Variants in TAF2 observed in about 807,000 individuals in gnomAD.
The protein encoded by TAF2 is TATA-box binding protein associated factor 2.
In TAF2, 61 loss-of-function variants were observed where a neutral mutation model predicts 138.5. The observed-to-expected ratio is 0.44, with a 90% CI of 0.36 to 0.54. The LOEUF is 0.54. TAF2 is among the 20% of genes least tolerant of loss of function. The pLI is 0.00. For missense variants in TAF2, 1,090 were observed against 1,427.9 expected (o/e 0.76, Z 3.81); for synonymous variants, 475 against 469.9 (o/e 1.01, Z -0.14).
Position 119,832,790 on chromosome 8 carries a change from T to G in TAF2, c.-226A>C. 2.0e-6 allele frequency: 1 copy of G among 505,320 alleles called. No individual in the cohort carries two copies. Among genetic ancestry groups the G allele is most frequent in the Non-Finnish European group, 3.5e-6 (1 of 284,470 alleles). The allele number at this position is 505,320 out of a possible 1,614,324, so 31.3% of individuals were successfully genotyped here. A position where few individuals can be genotyped will look rare whatever the true frequency, so the allele number is the denominator to read the frequency against. On this transcript the variant is annotated 5_prime_UTR_variant, in exon 1 of 26. Coordinates refer to ENST00000378164, the MANE Select transcript of TAF2 (RefSeq NM_003184.4). ...CAAGCTTCTGTCACAGAGATGCTCC[T>G]CTCCGCAAGGGCTCGAAGCTACCAT...
intron 25 of TAF2, among the ~76,000 whole-genome samples, chr8:119,736,676 G>A (rs925162748): frequency 6.6e-6 from 1 of 152,122 alleles, no homozygotes; most frequent in Non-Finnish European, 1.5e-5. Flanking sequence ...AAATAAAAAT[G>A]AAAGTATAAA....
At chr8:119,804,393 C>T (rs1824472908) in intron 4 of TAF2, among the ~76,000 whole-genome samples, 1 of 152,196 alleles carries the variant, frequency 6.6e-6, no homozygotes, top group African/African-American at 2.4e-5. Context: ...TAGTTTGGCT[C>T]TGTGTCCCCA....
chr8:119,792,570 C>G (rs1474298354), intron 10 of TAF2, among the ~76,000 whole-genome samples: 1 of 152,300 alleles, frequency 6.6e-6, no homozygotes, highest in East Asian at 1.9e-4. Flanking sequence ...TCAAACTACA[C>G]TCTCACAGTG....
chr8:119,778,334 G>A (rs528316667), intron 17 of TAF2, among the ~76,000 whole-genome samples: 1 of 152,288 alleles, frequency 6.6e-6, no homozygotes, highest in Admixed American at 6.5e-5. Context: ...AGGAAACTAA[G>A]GGAAGAGTTC....
rs572339546 is a variant in TAF2, at chr8:119,832,638, C to T, written c.-74G>A. 3.3e-5 allele frequency: 47 copies of T among 1,412,152 alleles called. No homozygotes were observed. The South Asian group carries it at 4.9e-4, about 15-fold the overall frequency. 87.5% of individuals were successfully genotyped at this position (1,412,152 alleles called of 1,614,324 possible). A position where few individuals can be genotyped will look rare whatever the true frequency, so the allele number is the denominator to read the frequency against. ...GGCATTACTAGTCTTTGGCACCTCA[C>T]ACTCTCCACTCCCCTGCGGTCCCCA... On this transcript the variant is annotated 5_prime_UTR_variant, in exon 1 of 26. It adds an upstream start codon to the 5' untranslated region. Coordinates refer to ENST00000378164, the MANE Select transcript of TAF2 (RefSeq NM_003184.4).
In TAF2 at chr8:119,819,359, T is replaced by C. The variant is rs974507041; in HGVS notation, c.286A>G (p.Ser96Gly). The change falls in exon 3 of 26, where the codon AGT (serine) becomes GGT (glycine). Residue 96 changes from serine to glycine, a missense_variant. This residue lies in a region of TAF2 where 504 missense variants were observed against 680.9 expected (regional missense o/e 0.74). Coordinates refer to ENST00000378164, the MANE Select transcript of TAF2 (RefSeq NM_003184.4). ...TGCATAACTTACTGTTTTGATTCAC[T>C]GTGACAAACTTCCAAGGTTGGGTCA... ...YNDPTLEVCH[S>G]ESKQRNLNYF... 12 of 1,612,848 alleles carry C rather than the reference T, an allele frequency of 7.4e-6. No homozygotes were observed. In the African/African-American group the frequency reaches 1.3e-4, roughly 18 times the overall value.
chr8:119,758,264 G>C, intron 20 of TAF2, 122 bp from the exon 21 acceptor site: 1 of 826,184 alleles, frequency 1.2e-6, no homozygotes, highest in East Asian at 2.7e-5. Context: ...TTTTCAATCA[G>C]AGTTGAAGGT....
intron 21 of TAF2, among the ~76,000 whole-genome samples, chr8:119,757,415 G>C (rs138052305): frequency 1.3e-3 from 194 of 152,044 alleles, no homozygotes; most frequent in African/African-American, 4.6e-3. Flanking sequence ...CTATTTCTAA[G>C]AGCCGATCAG....
intron 6 of TAF2, 32 bp downstream of exon 6, chr8:119,801,762 G>A: frequency 6.3e-7 from 1 of 1,588,890 alleles, no homozygotes. Context: ...AAAGGGCCAG[G>A]AGGAGAGTAA....
intron 3 of TAF2, among the ~76,000 whole-genome samples, chr8:119,809,634 G>A (rs187107984): frequency 8.3e-4 from 127 of 152,216 alleles, no homozygotes; most frequent in Middle Eastern, 6.8e-3. Flanking sequence ...ATGCTCAGAG[G>A]CCATTGTAGG....
intron 14 of TAF2, among the ~76,000 whole-genome samples, chr8:119,786,878 G>A (rs1344153665): frequency 3.3e-5 from 5 of 152,064 alleles, no homozygotes; most frequent in African/African-American, 4.8e-5. Context: ...CTGAGATCGC[G>A]CCACTGCACT....
chr8:119,733,336 G>C (rs976713453), intron 25 of TAF2, among the ~76,000 whole-genome samples: 1 of 152,118 alleles, frequency 6.6e-6, no homozygotes, highest in Non-Finnish European at 1.5e-5. Context: ...AAGGTGGGGA[G>C]TCTATAAAGG....
rs376339957 is a variant in TAF2 at position 119,735,801 on chromosome 8, T to G, written c.3338-3615A>C. Among the ~76,000 whole-genome samples, 10 of 152,334 alleles carry G rather than the reference T, an allele frequency of 6.6e-5. No individual in the cohort carries two copies. The East Asian group carries it at 1.2e-3, about 18-fold the overall frequency. ...TTCAGATTTTAATACATAAATTGCTTGAATATGTTCCTGATTCTATGAATA... is the reference window on the plus strand; with the variant it reads ...TTCAGATTTTAATACATAAATTGCTGGAATATGTTCCTGATTCTATGAATA... On this transcript the variant is annotated intron_variant, in intron 25 of 25. Coordinates refer to ENST00000378164, the MANE Select transcript of TAF2 (RefSeq NM_003184.4).
In TAF2 at chr8:119,783,461, G is replaced by A; in HGVS notation, c.2032C>T (p.Arg678Trp). ...ALEKFPTPASRLALTDILEQE... is the reference protein window; with the variant it reads ...ALEKFPTPASWLALTDILEQE... ...TCTAATATATCAGTGAGTGCAAGCC[G>A]AGATGCTGGAGTAGGGAATTTTTCC... is the stretch of plus-strand genomic sequence containing the variant. The change falls in exon 16 of 26, where the codon CGG becomes TGG. Residue 678 changes from arginine (R) to tryptophan (W), a missense_variant. By Grantham distance (101) the Arg-to-Trp change is moderately radical. This residue lies in a region of TAF2 where 580 missense variants were observed against 719.6 expected (regional missense o/e 0.81). Transcript: ENST00000378164. The A allele has an allele frequency of 6.2e-7, 1 of 1,614,110 alleles. No individual in the cohort carries two copies. Among genetic ancestry groups the A allele is most frequent in the Non-Finnish European group, 8.5e-7 (1 of 1,180,012 alleles).
At chr8:119,788,667 T>G in intron 13 of TAF2, 123 bp downstream of exon 13, 1 of 829,834 alleles carries the variant, frequency 1.2e-6, no homozygotes, top group Non-Finnish European at 2.0e-6. Context: ...AGTCAATGTT[T>G]TCTCAATTTA....
Position 119,778,022 on chromosome 8 carries a change from AT to A in TAF2, c.2360del (p.Asn787IlefsTer12). ...DLIKYNDNRK[N>X]KFSDNYYRAE... is the part of the protein sequence containing the mutation. ...TTTAAAAATAAAAGTACCTCACCTT[AT>A]TTTTCCTGTTGTCATTGTACTTGAT... On this transcript the variant is annotated frameshift_variant, in exon 18 of 26. Coordinates refer to ENST00000378164, the MANE Select transcript of TAF2 (RefSeq NM_003184.4). LOFTEE classifies it high-confidence loss of function. The A allele has an allele frequency of 6.7e-7, 1 of 1,499,772 alleles. No individual in the cohort carries two copies. The highest frequency in any genetic ancestry group is 1.7e-5 in the Admixed American group (1 of 57,316). 92.9% of individuals were successfully genotyped at this position (1,499,772 alleles called of 1,614,324 possible). A position where few individuals can be genotyped will look rare whatever the true frequency, so the allele number is the denominator to read the frequency against.
chr8:119,768,714 C>G (rs1821617242), intron 18 of TAF2, among the ~76,000 whole-genome samples: 1 of 152,226 alleles, frequency 6.6e-6, no homozygotes, highest in African/African-American at 2.4e-5. Context: ...GCTGACAGCA[C>G]CACAGCTGAC....
rs185377297 is a variant in TAF2 at position 119,733,782 on chromosome 8, C to A, written c.3338-1596G>T. Among the ~76,000 whole-genome samples the A allele has an allele frequency of 6.9e-5, 10 of 145,508 alleles. No individual in the cohort carries two copies. In the East Asian group the frequency reaches 1.2e-3, roughly 17 times the overall value. ...TCTCATAAATATCTCTTAAATCCGC[C>A]CCCCCCCATCCTAATCCTGTCTGCA... On this transcript the variant is annotated intron_variant, in intron 25 of 25. Transcript: ENST00000378164.
intron 18 of TAF2, 51 bp downstream of exon 18, chr8:119,777,968 A>G (rs574484677): frequency 2.0e-6 from 2 of 999,608 alleles, no homozygotes; most frequent in African/African-American, 3.3e-5. Flanking sequence ...TTCATTAAGA[A>G]AATTATCTAA....
Sources: allele counts gnomAD v4.1 joint callset (sites outside exome capture counted in the v4.1 genomes callset), GRCh38; gene constraint gnomAD v4.1.1; regional missense constraint gnomAD v4.1.1; transcripts MANE v1.5; gene names NCBI Gene and HGNC (gene_info 2026-07-23, HGNC 2026-07-21).